EXOC6B: variants seen among roughly 807,000 people sequenced by gnomAD.
EXOC6B encodes the protein SEC15 homolog B.
Under a neutral mutation model 113.5 loss-of-function variants are expected in EXOC6B, and 54 were observed. The ratio of observed to expected loss-of-function variants is 0.48; its 90% CI spans 0.38 to 0.60. The LOEUF is 0.60. Among genes scored for constraint, EXOC6B ranks in the 20% least tolerant of loss-of-function variants. The probability of loss-of-function intolerance (pLI) is 0.00; values close to 1 mark genes in which losing one functional copy is unlikely to be tolerated. For missense variants in EXOC6B, 797 were observed against 977.5 expected (o/e 0.82, Z 2.46); for synonymous variants, 357 against 339.0 (o/e 1.05, Z -0.58).
intron 2 of EXOC6B, among the ~76,000 whole-genome samples, chr2:72,738,102 T>C (rs1482279743): frequency 6.6e-6 from 1 of 152,180 alleles, no homozygotes; most frequent in Non-Finnish European, 1.5e-5. Flanking sequence ...CAAATATGAC[T>C]TTCTATGTGT....
intron 13 of EXOC6B, among the ~76,000 whole-genome samples, chr2:72,497,391 A>G (rs1377494448): frequency 3.3e-5 from 5 of 152,136 alleles, no homozygotes. Context: ...TATATCAAGG[A>G]TGACTTTTTT....
At chr2:72,630,005 T>A (rs138763115) in intron 6 of EXOC6B, among the ~76,000 whole-genome samples, 2 of 152,294 alleles carry the variant, frequency 1.3e-5, no homozygotes, top group Non-Finnish European at 2.9e-5. Flanking sequence ...ATAATACTCA[T>A]TATTATAATT....
chr2:72,233,133 G>C (rs1681738380), intron 20 of EXOC6B, among the ~76,000 whole-genome samples: 1 of 151,744 alleles, frequency 6.6e-6, no homozygotes, highest in African/African-American at 2.4e-5. Context: ...CCTTTAAAAA[G>C]CTACTATGAG....
intron 8 of EXOC6B, among the ~76,000 whole-genome samples, chr2:72,523,803 A>G (rs1035552556): frequency 6.6e-6 from 1 of 151,398 alleles, no homozygotes; most frequent in Non-Finnish European, 1.5e-5. Context: ...AAAAAAAAAA[A>G]AAGATTTACT....
chr2:72,301,550 C>G (rs1686534617), intron 20 of EXOC6B, among the ~76,000 whole-genome samples: 1 of 152,066 alleles, frequency 6.6e-6, no homozygotes, highest in African/African-American at 2.4e-5. Context: ...TTCAGGGAAC[C>G]AATTTCTTCC....
intron 18 of EXOC6B, among the ~76,000 whole-genome samples, chr2:72,422,090 C>T (rs1035539835): frequency 2.0e-5 from 3 of 152,336 alleles, no homozygotes; most frequent in South Asian, 2.1e-4. Flanking sequence ...ACCTGCAGCC[C>T]GCCATGCCTG....
intron 18 of EXOC6B, among the ~76,000 whole-genome samples, chr2:72,436,270 G>A (rs1261867090): frequency 6.6e-6 from 1 of 152,162 alleles, no homozygotes; most frequent in Non-Finnish European, 1.5e-5. Flanking sequence ...GAGATCTGCT[G>A]TTAGTCTGAT....
chr2:72,379,530 T>G (rs1691556400), intron 19 of EXOC6B, among the ~76,000 whole-genome samples, 199 bp downstream of exon 19: 1 of 152,212 alleles, frequency 6.6e-6, no homozygotes, highest in African/African-American at 2.4e-5. Context: ...GTTTTAAATA[T>G]GAGTCTAAGC....
Position 72,723,149 on chromosome 2 carries a change from T to A in EXOC6B, c.465-4842A>T, listed in dbSNP as rs371089558. Among the ~76,000 whole-genome samples, 278 of 152,288 alleles carry A rather than the reference T, an allele frequency of 1.8e-3. 9 individuals carry two copies. In the South Asian group the frequency reaches 0.054, roughly 30 times the overall value. On this transcript the variant is annotated intron_variant, in intron 5 of 21. Coordinates refer to ENST00000272427, the MANE Select transcript of EXOC6B (RefSeq NM_015189.3). The stretch of plus-strand genomic sequence containing the variant: ...AAAATATGTCCAGTGACCACGGAAA[T>A]CCAAAATTAGATTTTGATGTACTTT...
At chr2:72,646,817 A>G (rs1573549249) in intron 6 of EXOC6B, among the ~76,000 whole-genome samples, 1 of 152,316 alleles carries the variant, frequency 6.6e-6, no homozygotes, top group African/African-American at 2.4e-5. Context: ...AATAAGAGCT[A>G]TTTATGACAA....
intron 8 of EXOC6B, among the ~76,000 whole-genome samples, chr2:72,555,341 C>A (rs112965996): frequency 1.3e-5 from 2 of 152,240 alleles, no homozygotes; most frequent in African/African-American, 2.4e-5. Flanking sequence ...ACTGTCTTCC[C>A]CAATGGTTGA....
chr2:72,253,407 C>T (rs10171231), intron 20 of EXOC6B, among the ~76,000 whole-genome samples: 12,449 of 152,114 alleles, frequency 0.082, 793 homozygotes, highest in African/African-American at 0.18. Context: ...AATATTTTTC[C>T]GAGCACTATT....
rs1254377634 is a variant in EXOC6B, at chr2:72,773,120, C to CTTTTTTTTTTTTTTTT, written c.114-31667_114-31652dup. Among the ~76,000 whole-genome samples, 10 of 94,890 alleles carry CTTTTTTTTTTTTTTTT rather than the reference C, an allele frequency of 1.1e-4. 1 individual carries two copies. Among genetic ancestry groups the CTTTTTTTTTTTTTTTT allele is most frequent in the African/African-American group, 3.8e-4 (8 of 21,322 alleles). 62.3% of individuals were successfully genotyped at this position (94,890 alleles called of 152,430 possible). A position where few individuals can be genotyped will look rare whatever the true frequency, so the allele number is the denominator to read the frequency against. ...GCTAAGACAGTAGACCTTAGATTTT[C>CTTTTTTTTTTTTTTTT]TTTTTTTTTTTTTTTTTTTTTTGTG... On this transcript the variant is annotated intron_variant, in intron 1 of 21. Coordinates refer to ENST00000272427, the MANE Select transcript of EXOC6B (RefSeq NM_015189.3).
At chr2:72,550,742 G>C (rs147746605) in intron 8 of EXOC6B, among the ~76,000 whole-genome samples, 3 of 151,962 alleles carry the variant, frequency 2.0e-5, no homozygotes, top group East Asian at 3.9e-4. Flanking sequence ...TATGGTCATC[G>C]TACAATTAAG....
intron 6 of EXOC6B, among the ~76,000 whole-genome samples, chr2:72,705,909 A>G (rs1678838583): frequency 6.6e-6 from 1 of 152,244 alleles, no homozygotes; most frequent in African/African-American, 2.4e-5. Context: ...ACAATAATTA[A>G]TTAAACTTTA....
chr2:72,650,403 C>T (rs916396622), intron 6 of EXOC6B, among the ~76,000 whole-genome samples: 2 of 152,118 alleles, frequency 1.3e-5, no homozygotes, highest in African/African-American at 4.8e-5. Flanking sequence ...AGATCGAGAC[C>T]ATCCTGGCTA....
At chr2:72,242,720 T>C (rs1327804690) in intron 20 of EXOC6B, among the ~76,000 whole-genome samples, 1 of 152,112 alleles carries the variant, frequency 6.6e-6, no homozygotes, top group Non-Finnish European at 1.5e-5. Flanking sequence ...AAGACCCAAT[T>C]ATATGTTATA....
chr2:72,436,851 C>G (rs1021639525), intron 18 of EXOC6B, among the ~76,000 whole-genome samples: 1 of 152,072 alleles, frequency 6.6e-6, no homozygotes, highest in South Asian at 2.1e-4. Context: ...AGATCATGCT[C>G]CTTTAGCTCA....
chr2:72,672,426 C>T lies in EXOC6B; in HGVS notation c.669+45677G>A, dbSNP rs530264529. ...CAGGCGGATCACGAGGTCAGGACAT[C>T]GAGACCATCCTGGCTAACACGGTGA... On this transcript the variant is annotated intron_variant, in intron 6 of 21. Transcript: ENST00000272427. Among the ~76,000 whole-genome samples the T allele has an allele frequency of 4.6e-5, 7 of 151,352 alleles. 1 individual carries two copies. In the South Asian group the frequency reaches 1.5e-3, roughly 32 times the overall value.
Sources: allele counts gnomAD v4.1 joint callset (sites outside exome capture counted in the v4.1 genomes callset), GRCh38; gene constraint gnomAD v4.1.1; transcripts MANE v1.5; gene names NCBI Gene and HGNC (gene_info 2026-07-23, HGNC 2026-07-21).